The following STK3 variants were observed in gnomAD, a reference collection of about 807,000 sequenced individuals.
STK3 encodes serine/threonine kinase 3, also known as serine/threonine-protein kinase 3.
In STK3, 41 loss-of-function variants were observed where a neutral mutation model predicts 58.0. That is an observed-to-expected ratio of 0.71 (90% CI 0.55 to 0.92). The LOEUF (loss-of-function observed/expected upper bound fraction) is 0.92, where lower values mean the gene tolerates loss of function less well. Ranked by LOEUF, STK3 falls within the 40% of genes least tolerant of loss-of-function variation. The probability of loss-of-function intolerance (pLI) is 0.00; values close to 1 mark genes in which losing one functional copy is unlikely to be tolerated. For synonymous variants in STK3, 170 were observed against 191.0 expected (o/e 0.89, Z 0.91); for missense variants, 479 against 602.7 (o/e 0.79, Z 2.15).
At chr8:98,462,950 A>G (rs1820120913) in intron 10 of STK3, 1 of 152,212 alleles carries the variant, frequency 6.6e-6, no homozygotes, top group African/African-American at 2.4e-5. Context: ...GTAGAAATAT[A>G]TGGAATGCTT....
chr8:98,693,239 A>G (rs1824543600), intron 6 of STK3, among the ~76,000 whole-genome samples: 1 of 152,088 alleles, frequency 6.6e-6, no homozygotes, highest in Admixed American at 6.6e-5. Flanking sequence ...CCACAAAAAA[A>G]ATATAAGATT....
chr8:98,861,344 ATTTTTTTT>A (rs772895902), intron 3 of STK3, among the ~76,000 whole-genome samples: 5 of 85,922 alleles, frequency 5.8e-5, no homozygotes, highest in Admixed American at 2.3e-4. Flanking sequence ...GTTTCTTTGG[ATTTTTTTT>A]TTTTTTTTTT....
chr8:98,596,045 G>A lies in STK3; in HGVS notation c.809C>T (p.Thr270Ile). 1 of 1,613,160 alleles carries A rather than the reference G, an allele frequency of 6.2e-7. No individual in the cohort carries two copies. The highest frequency in any genetic ancestry group is 8.5e-7 in the Non-Finnish European group (1 of 1,179,422). The change falls in exon 7 of 11, where the codon ACA becomes ATA. Residue 270 changes from threonine (T) to isoleucine (I), a missense_variant. Physicochemically the swap from Thr to Ile is moderately conservative, Grantham distance 89 (BLOSUM62 -1). Around this residue, in one of 3 missense-constraint regions of STK3, gnomAD observed 309 missense variants for 355.7 expected, o/e 0.87. Coordinates refer to ENST00000419617, the MANE Select transcript of STK3 (RefSeq NM_006281.4). ...VKNPEQRATA[T>I]QLLQHPFIKN... ...ACAAGCACTGACCTGTAAAAGTTGTGTTGCAGTAGCTCTCTGCTCAGGATT... is the reference window on the plus strand; with the variant it reads ...ACAAGCACTGACCTGTAAAAGTTGTATTGCAGTAGCTCTCTGCTCAGGATT...
chr8:98,432,451 A>G (rs1446626082), intron 3 of STK3: 3 of 167,070 alleles, frequency 1.8e-5, no homozygotes, highest in Non-Finnish European at 4.4e-5. Flanking sequence ...CATATTGGTT[A>G]TAGGTTTGTG....
chr8:98,618,588 C>G (rs1393674135), intron 6 of STK3, among the ~76,000 whole-genome samples: 2 of 147,296 alleles, frequency 1.4e-5, no homozygotes, highest in Admixed American at 6.8e-5. Context: ...CCAAAATCTC[C>G]TTAAGCTGAT....
chr8:98,914,706 G>C (rs1394416666), intron 1 of STK3, among the ~76,000 whole-genome samples: 1 of 152,136 alleles, frequency 6.6e-6, no homozygotes, highest in African/African-American at 2.4e-5. Flanking sequence ...GGATGGTGGA[G>C]CCAGCCCCAC....
At chr8:98,704,987 G>C (rs529726848) in intron 6 of STK3, among the ~76,000 whole-genome samples, 2 of 152,306 alleles carry the variant, frequency 1.3e-5, no homozygotes, top group East Asian at 1.9e-4. Context: ...GATCAGAGAT[G>C]AAATAAGACT....
At chr8:98,896,908 G>A (rs1408633025) in intron 1 of STK3, among the ~76,000 whole-genome samples, 1 of 152,114 alleles carries the variant, frequency 6.6e-6, no homozygotes, top group Non-Finnish European at 1.5e-5. Context: ...GAGCCCAATA[G>A]GTGGAGGCTG....
chr8:98,485,863 T>C (rs925144078), intron 10 of STK3, among the ~76,000 whole-genome samples: 8 of 152,038 alleles, frequency 5.3e-5, no homozygotes, highest in Non-Finnish European at 1.2e-4. Flanking sequence ...ATTACAGAAG[T>C]AGGGGGCCAT....
At chr8:98,646,022 G>A (rs1419323833) in intron 6 of STK3, among the ~76,000 whole-genome samples, 1 of 152,090 alleles carries the variant, frequency 6.6e-6, no homozygotes. Flanking sequence ...GCACCTTTCT[G>A]AACAAACTTT....
chr8:98,549,772 T>C (rs1382894289), intron 8 of STK3, among the ~76,000 whole-genome samples: 1 of 152,172 alleles, frequency 6.6e-6, no homozygotes, highest in Non-Finnish European at 1.5e-5. Context: ...ATAATCACAG[T>C]GCTTTGGGAG....
At chr8:98,596,210 C>T in intron 6 of STK3, 41 bp from the exon 7 acceptor site, 1 of 1,565,666 alleles carries the variant, frequency 6.4e-7, no homozygotes, top group Non-Finnish European at 8.7e-7. Context: ...AAGAATCACA[C>T]TAGCACAATC....
chr8:98,786,447 C>T (rs1315512339), intron 1 of STK3, among the ~76,000 whole-genome samples: 2 of 152,104 alleles, frequency 1.3e-5, no homozygotes, highest in Non-Finnish European at 2.9e-5. Flanking sequence ...ACTTGGGAGG[C>T]TGGGGTGAAA....
chr8:98,878,054 G>C (rs1020876229), intron 3 of STK3, among the ~76,000 whole-genome samples: 1 of 147,932 alleles, frequency 6.8e-6, no homozygotes, highest in African/African-American at 2.5e-5. Context: ...AACAACAAAA[G>C]AAAATCTTTT....
At chr8:98,431,600 C>G (rs577592094) in intron 3 of STK3, 1 of 166,996 alleles carries the variant, frequency 6.0e-6, no homozygotes, top group African/African-American at 2.4e-5. Flanking sequence ...TATCCATGGC[C>G]GCTGACCAGG....
intron 4 of STK3, among the ~76,000 whole-genome samples, chr8:98,728,509 T>C (rs558276879): frequency 1.4e-4 from 22 of 152,268 alleles, no homozygotes; most frequent in African/African-American, 4.3e-4. Flanking sequence ...TAAATATATA[T>C]ATATACAAGC....
chr8:98,344,825 G>A, the STK3 span, among the ~76,000 whole-genome samples: 41 of 146,000 alleles, frequency 2.8e-4, no homozygotes, highest in African/African-American at 9.3e-4. Flanking sequence ...CCCGGGAGGC[G>A]GAGCTTGCAG....
chr8:98,551,184 AT>A (rs2131594962), intron 8 of STK3, among the ~76,000 whole-genome samples: 1 of 152,286 alleles, frequency 6.6e-6, no homozygotes, highest in African/African-American at 2.4e-5. Flanking sequence ...CAGATCAAGT[AT>A]CTACTACTTC....
chr8:98,801,793 T>C (rs990137170), intron 1 of STK3, among the ~76,000 whole-genome samples: 1 of 149,042 alleles, frequency 6.7e-6, no homozygotes, highest in African/African-American at 2.5e-5. Flanking sequence ...AGGATATGCC[T>C]TTTTTTTTTC....
Sources: gnomAD v4.1 joint callset for allele counts (sites outside exome capture counted in the v4.1 genomes callset) on GRCh38, gnomAD v4.1.1 for gene constraint, gnomAD v4.1.1 regional missense constraint, MANE v1.5 for transcripts, NCBI Gene and HGNC (gene_info 2026-07-23, HGNC 2026-07-21) for gene names.